The following MPRIP variants were observed in gnomAD, a reference collection of about 807,000 sequenced individuals.
MPRIP encodes the protein myosin phosphatase Rho interacting protein.
Under a neutral mutation model 234.9 loss-of-function variants are expected in MPRIP, and 59 were observed. The observed-to-expected ratio is 0.25, with a 90% CI of 0.20 to 0.31. The LOEUF is 0.31. Ranked by LOEUF, MPRIP falls within the 10% of genes least tolerant of loss-of-function variation. MPRIP has a pLI of 1.00. For missense variants in MPRIP, 2,436 were observed against 3,071.0 expected, an observed-to-expected ratio of 0.79 and a Z score of 4.89; for synonymous variants, 1,144 against 1,263.9, an observed-to-expected ratio of 0.91 and a Z score of 2.01.
At chr17:17,044,484 C>A (rs996151325) in intron 1 of MPRIP, among the ~76,000 whole-genome samples, 1 of 152,178 alleles carries the variant, frequency 6.6e-6, no homozygotes, top group Non-Finnish European at 1.5e-5. Flanking sequence ...TGGCTTACCT[C>A]CTTCACTGAG....
At chr17:17,145,351 C>T (rs888603188) in intron 9 of MPRIP, among the ~76,000 whole-genome samples, 31 of 152,338 alleles carry the variant, frequency 2.0e-4, no homozygotes, top group Admixed American at 1.7e-3. Context: ...GATAAGGTGA[C>T]CCATGTCTCT....
intron 1 of MPRIP, among the ~76,000 whole-genome samples, chr17:17,047,104 C>T (rs1567678703): frequency 6.6e-6 from 1 of 152,184 alleles, no homozygotes. Context: ...TTGCTTGAAC[C>T]CAGGAGGCAG....
chr17:17,042,657 G>T lies in MPRIP; in HGVS notation c.-192G>T, dbSNP rs1411926601. 1.2e-4 allele frequency: 56 copies of T among 449,128 alleles called. No homozygotes were observed. The highest frequency in any genetic ancestry group is 1.6e-4 in the Non-Finnish European group (56 of 342,936). The allele number at this position is 449,128 out of a possible 1,614,324, so 27.8% of individuals were successfully genotyped here. ...CGGGCGGGAGCTGGGCGTCGCGCGC[G>T]CTGTGAGGCCCGGGCGGCTCAGGAG... On this transcript the variant is annotated 5_prime_UTR_variant, in exon 1 of 24. Transcript: ENST00000651222.
At chr17:17,147,260 T>C in intron 10 of MPRIP, 59 bp from the exon 11 acceptor site, 4 of 1,537,396 alleles carry the variant, frequency 2.6e-6, no homozygotes, top group Non-Finnish European at 2.7e-6. Flanking sequence ...CGCCGTGGCG[T>C]GGCAGGCATG....
At chr17:17,101,328 T>G (rs772919689) in intron 3 of MPRIP, among the ~76,000 whole-genome samples, 39 of 152,326 alleles carry the variant, frequency 2.6e-4, no homozygotes, top group Non-Finnish European at 4.9e-4. Context: ...CACTTTGGGA[T>G]GCCAAGGCAG....
chr17:17,049,656 A>G (rs937729977), intron 1 of MPRIP, among the ~76,000 whole-genome samples: 9 of 152,218 alleles, frequency 5.9e-5, no homozygotes, highest in Admixed American at 2.6e-4. Context: ...CTTTTACTCA[A>G]AAGAAATCTT....
rs939144647 is a variant in MPRIP at position 17,186,183 on chromosome 17, T to A, written c.*1289T>A. 2.0e-5 allele frequency: 3 copies of A among 152,146 alleles called. No homozygotes were observed. Among genetic ancestry groups the A allele is most frequent in the Admixed American group, 6.5e-5 (1 of 15,270 alleles). 9.4% of individuals were successfully genotyped at this position (152,146 alleles called of 1,614,324 possible). A position where few individuals can be genotyped will look rare whatever the true frequency, so the allele number is the denominator to read the frequency against. On this transcript the variant is annotated 3_prime_UTR_variant, in exon 24 of 24. Transcript: ENST00000651222. ...AGGAGCAAGGTGGGGTGTGAGTAGA[T>A]GGTTTTCATGCCAAGAACATGCTTT...
chr17:17,122,675 G>A (rs2090415050), intron 3 of MPRIP, among the ~76,000 whole-genome samples: 1 of 152,194 alleles, frequency 6.6e-6, no homozygotes, highest in Non-Finnish European at 1.5e-5. Flanking sequence ...TTTATAGCAG[G>A]TCCTCAGTAC....
At chr17:17,174,159 A>G in intron 19 of MPRIP, 84 bp downstream of exon 19, 1 of 1,483,338 alleles carries the variant, frequency 6.7e-7, no homozygotes, top group Non-Finnish European at 9.1e-7. Context: ...TCCACACTGG[A>G]GCTGGAGCCA....
In MPRIP at chr17:17,122,969, T is replaced by C. The variant is rs115967829; in HGVS notation, c.268-3733T>C. Among the ~76,000 whole-genome samples the C allele has an allele frequency of 8.1e-3, 1,237 of 152,330 alleles. 24 individuals are homozygous for C. Among genetic ancestry groups the C allele is most frequent in the African/African-American group, 0.028 (1,166 of 41,564 alleles). The stretch of plus-strand genomic sequence containing the variant: ...AGCCAAAAAATGGAAACAGTCCAAA[T>C]GTCCATCAACAGATGAATGGATAAA... On this transcript the variant is annotated intron_variant, in intron 3 of 23. Coordinates refer to ENST00000651222, the MANE Select transcript of MPRIP (RefSeq NM_001364716.4).
intron 3 of MPRIP, among the ~76,000 whole-genome samples, chr17:17,099,968 T>A (rs978961508): frequency 2.6e-5 from 4 of 152,178 alleles, no homozygotes; most frequent in African/African-American, 9.7e-5. Flanking sequence ...AGATGGGACA[T>A]CTCCACCTGA....
intron 10 of MPRIP, among the ~76,000 whole-genome samples, chr17:17,146,349 C>T (rs895105578): frequency 8.5e-5 from 13 of 152,204 alleles, no homozygotes; most frequent in African/African-American, 3.1e-4. Context: ...GGGTGTTGGC[C>T]CGGCCTTAGG....
intron 1 of MPRIP, among the ~76,000 whole-genome samples, chr17:17,057,139 C>G (rs1386161649): frequency 6.6e-6 from 1 of 152,220 alleles, no homozygotes; most frequent in African/African-American, 2.4e-5. Flanking sequence ...GCACCTGGAG[C>G]CACATGTCAG....
At chr17:17,086,172 G>A (rs2089586221) in intron 3 of MPRIP, among the ~76,000 whole-genome samples, 1 of 152,210 alleles carries the variant, frequency 6.6e-6, no homozygotes, top group South Asian at 2.1e-4. Context: ...GCACACGGAG[G>A]CTTGTGTTCA....
intron 3 of MPRIP, among the ~76,000 whole-genome samples, chr17:17,103,737 G>T (rs897463190): frequency 6.6e-6 from 1 of 152,166 alleles, no homozygotes; most frequent in African/African-American, 2.4e-5. Flanking sequence ...GAAAAAGATG[G>T]AAGCATTACT....
At chr17:17,061,046 G>A (rs1276459922) in intron 1 of MPRIP, among the ~76,000 whole-genome samples, 1 of 152,190 alleles carries the variant, frequency 6.6e-6, no homozygotes, top group Non-Finnish European at 1.5e-5. Context: ...TCTGAGCATG[G>A]TCAGAGGTGT....
rs1218033491 is a variant in MPRIP at position 17,142,460 on chromosome 17, G to T, written c.1251-167G>T. 7.1e-6 allele frequency: 5 copies of T among 707,644 alleles called. No individual in the cohort carries two copies. The Admixed American group carries it at 1.1e-4, about 16-fold the overall frequency. 43.8% of individuals were successfully genotyped at this position (707,644 alleles called of 1,614,324 possible). On this transcript the variant is annotated intron_variant, in intron 7 of 23. Transcript: ENST00000651222. ...TGATGGGAGGGAGGGCCGTGGAGGGGTGCAGGCAGAGCTCGGGTCAGCTGA... is the reference window on the plus strand; with the variant it reads ...TGATGGGAGGGAGGGCCGTGGAGGGTTGCAGGCAGAGCTCGGGTCAGCTGA...
Position 17,156,948 on chromosome 17 carries a change from C to T in MPRIP, c.1830-1484C>T, listed in dbSNP as rs1395004433. ...CATTTCCTCTTTTCCTTGGTTCTCT[C>T]TCTAAAGACTCCTTTCCTTTTGGCC... On this transcript the variant is annotated intron_variant, in intron 13 of 23. Coordinates refer to ENST00000651222, the MANE Select transcript of MPRIP (RefSeq NM_001364716.4). Among the ~76,000 whole-genome samples the T allele has an allele frequency of 2.0e-5, 3 of 152,204 alleles. No individual in the cohort carries two copies. The East Asian group carries it at 5.8e-4, about 29-fold the overall frequency.
chr17:17,138,207 A>T lies in MPRIP; in HGVS notation c.1028A>T (p.Tyr343Phe), dbSNP rs181358277. 1 of 800,808 alleles carries T rather than the reference A, an allele frequency of 1.2e-6. No individual in the cohort carries two copies. The highest frequency in any genetic ancestry group is 3.0e-5 in the East Asian group (1 of 33,704). The allele number at this position is 800,808 out of a possible 1,614,324, so 49.6% of individuals were successfully genotyped here. A position where few individuals can be genotyped will look rare whatever the true frequency, so the allele number is the denominator to read the frequency against. The change falls in exon 7 of 24, where the codon TAC becomes TTC. Residue 343 changes from tyrosine (Y) to phenylalanine (F), a missense_variant. Tyr to Phe is a conservative substitution (Grantham distance 22). Around this residue, in one of 4 missense-constraint regions of MPRIP, gnomAD observed 267 missense variants for 252.7 expected, o/e 1.06. Transcript: ENST00000651222. The surrounding 1 kb of genome is among the most constrained non-coding windows in gnomAD (Gnocchi z 5.8). ...GATGTGGCCAGCCAGCCACCTGCCT[A>T]CGTGGACTCTGGCAGCACTAGGGGG... The part of the protein sequence containing the change: ...SLDVASQPPA[Y>F]VDSGSTRGRG...
Sources: allele counts gnomAD v4.1 joint callset (sites outside exome capture counted in the v4.1 genomes callset), GRCh38; gene constraint gnomAD v4.1.1; regional missense constraint gnomAD v4.1.1; non-coding constraint Gnocchi (gnomAD v3.1); transcripts MANE v1.5; gene names NCBI Gene and HGNC (gene_info 2026-07-23, HGNC 2026-07-21).